The following PAG1 variants were observed in gnomAD, a reference collection of about 807,000 sequenced individuals.
PAG1 encodes the protein phosphoprotein associated with glycosphingolipid-enriched microdomains 1.
In PAG1, 23 loss-of-function variants were observed where a neutral mutation model predicts 31.7. That is an observed-to-expected ratio of 0.73 (90% CI 0.52 to 1.03). PAG1 has a LOEUF of 1.03. Ranked by LOEUF, PAG1 falls within the 50% of genes least tolerant of loss-of-function variation. The probability of loss-of-function intolerance (pLI) is 0.00; values close to 1 mark genes in which losing one functional copy is unlikely to be tolerated. For synonymous variants in PAG1, 214 were observed against 210.3 expected, an observed-to-expected ratio of 1.02 and a Z score of -0.15; for missense variants, 473 against 540.7, an observed-to-expected ratio of 0.87 and a Z score of 1.24.
At chr8:81,094,051 C>A (rs572693538) in intron 1 of PAG1, among the ~76,000 whole-genome samples, 1 of 152,250 alleles carries the variant, frequency 6.6e-6, no homozygotes, top group South Asian at 2.1e-4. Flanking sequence ...GAGGATGCTG[C>A]GGTAGGGCTC....
intron 3 of PAG1, among the ~76,000 whole-genome samples, chr8:81,020,949 A>G (rs987668366): frequency 6.6e-6 from 1 of 152,222 alleles, no homozygotes; most frequent in East Asian, 1.9e-4. Flanking sequence ...GACTTCACAG[A>G]TACGAAAAAT....
intron 2 of PAG1, among the ~76,000 whole-genome samples, chr8:81,068,296 C>CAATTTAAAATTTTG (rs1809040441): frequency 6.6e-6 from 1 of 152,170 alleles, no homozygotes; most frequent in South Asian, 2.1e-4. Flanking sequence ...TGGGTTGGGA[C>CAATTTAAAATTTTG]AATTTAAAAT....
chr8:80,976,606 T>A lies in PAG1; in HGVS notation c.1237A>T (p.Lys413Ter). ...GTNGHHGLVP[K>*]ENDYESISDL... ...CTTATGCTCTCGTAGTCGTTCTCCT[T>A]TGGGACGAGACCGTGGTGGCCATTG... The change falls in exon 9 of 9, where the codon AAG (lysine) becomes TAG (stop). Residue 413 changes from lysine (K) to a stop codon, truncating the protein, a stop_gained. Transcript: ENST00000220597. LOFTEE classifies it high-confidence loss of function. The A allele has an allele frequency of 6.2e-7, 1 of 1,614,146 alleles. No homozygotes were observed. Among genetic ancestry groups the A allele is most frequent in the Non-Finnish European group, 8.5e-7 (1 of 1,179,984 alleles).
intron 1 of PAG1, among the ~76,000 whole-genome samples, chr8:81,097,923 T>C (rs551509812): frequency 9.7e-4 from 148 of 152,334 alleles, no homozygotes; most frequent in Non-Finnish European, 1.5e-3. Context: ...TTTTATCTGA[T>C]GCTGGTGCAA....
At chr8:81,108,736 T>C (rs1020401068) in intron 1 of PAG1, among the ~76,000 whole-genome samples, 2 of 152,190 alleles carry the variant, frequency 1.3e-5, no homozygotes, top group Non-Finnish European at 2.9e-5. Flanking sequence ...TAACAAGCTA[T>C]GGAAACCTTA....
rs538607297 is a variant in PAG1, at chr8:81,044,944, T to TCA, written c.-174-14856_-174-14855insTG. Among the ~76,000 whole-genome samples the TCA allele has an allele frequency of 6.0e-4, 92 of 152,258 alleles. 1 individual carries two copies. Among genetic ancestry groups the TCA allele is most frequent in the African/African-American group, 2.2e-3 (91 of 41,540 alleles). On this transcript the variant is annotated intron_variant, in intron 2 of 8. Coordinates refer to ENST00000220597, the MANE Select transcript of PAG1 (RefSeq NM_018440.4). ...CAGTCTCCCCGGGCATAACTGGCTGTCCTTGTAAGTGCCCCCTATGCTGCA... is the reference window on the plus strand; with the variant it reads ...CAGTCTCCCCGGGCATAACTGGCTGTCACCTTGTAAGTGCCCCCTATGCTGCA...
rs1807112282 is a variant in PAG1 at position 80,973,138 on chromosome 8, T to C, written c.*3406A>G. Reference sequence around the variant, plus strand: ...GGGCAGATAAATCAGTAATTAGCCTTTATCCCAGAAAGAATAGTGGTAGCT... The same window carrying C: ...GGGCAGATAAATCAGTAATTAGCCTCTATCCCAGAAAGAATAGTGGTAGCT... On this transcript the variant is annotated 3_prime_UTR_variant, in exon 9 of 9. Coordinates refer to ENST00000220597, the MANE Select transcript of PAG1 (RefSeq NM_018440.4). 1 of 152,148 alleles carries C rather than the reference T, an allele frequency of 6.6e-6. No homozygotes were observed. The highest frequency in any genetic ancestry group is 6.5e-5 in the Admixed American group (1 of 15,282). 9.4% of individuals were successfully genotyped at this position (152,148 alleles called of 1,614,324 possible). A position where few individuals can be genotyped will look rare whatever the true frequency, so the allele number is the denominator to read the frequency against.
intron 1 of PAG1, among the ~76,000 whole-genome samples, chr8:81,073,415 C>G (rs1586203140): frequency 6.6e-6 from 1 of 152,278 alleles, no homozygotes; most frequent in East Asian, 1.9e-4. Context: ...GGTCCTTTCC[C>G]CTCCTGATCC....
chr8:80,982,725 C>A (rs538495364), intron 7 of PAG1, among the ~76,000 whole-genome samples: 1 of 152,284 alleles, frequency 6.6e-6, no homozygotes, highest in Non-Finnish European at 1.5e-5. Context: ...TGCCTGTATC[C>A]TCTTCATTTC....
chr8:81,083,243 G>A (rs1809297818), intron 1 of PAG1, among the ~76,000 whole-genome samples: 1 of 152,106 alleles, frequency 6.6e-6, no homozygotes, highest in Non-Finnish European at 1.5e-5. Context: ...CTGGCTGGGA[G>A]AAACAGTGTT....
intron 2 of PAG1, among the ~76,000 whole-genome samples, chr8:81,053,513 A>C (rs1415593725): frequency 6.6e-6 from 1 of 152,254 alleles, no homozygotes; most frequent in African/African-American, 2.4e-5. Context: ...TGTCAAAGGA[A>C]TTTCTGGTCT....
chr8:81,074,035 G>A (rs1809136032), intron 1 of PAG1, among the ~76,000 whole-genome samples: 1 of 152,200 alleles, frequency 6.6e-6, no homozygotes, highest in Non-Finnish European at 1.5e-5. Context: ...GGCCAGGTGT[G>A]GGCACACGTG....
intron 2 of PAG1, among the ~76,000 whole-genome samples, chr8:81,050,503 A>G (rs1285091114): frequency 2.0e-5 from 3 of 152,186 alleles, no homozygotes; most frequent in Non-Finnish European, 4.4e-5. Flanking sequence ...CAATTTTAGT[A>G]TAAAGTTACC....
chr8:81,084,242 G>C (rs1230925477), intron 1 of PAG1, among the ~76,000 whole-genome samples: 1 of 152,122 alleles, frequency 6.6e-6, no homozygotes, highest in Non-Finnish European at 1.5e-5. Context: ...ACAGGGAAAA[G>C]TATGTCTACT....
intron 5 of PAG1, among the ~76,000 whole-genome samples, chr8:80,989,485 G>A (rs935620977): frequency 2.6e-5 from 4 of 152,204 alleles, no homozygotes; most frequent in South Asian, 2.1e-4. Flanking sequence ...GTGGGCGAGC[G>A]TGTGTACATG....
Position 80,974,215 on chromosome 8 carries a change from T to C in PAG1, c.*2329A>G, listed in dbSNP as rs950618375. 5 of 148,950 alleles carry C rather than the reference T, an allele frequency of 3.4e-5. No homozygotes were observed. Among genetic ancestry groups the C allele is most frequent in the South Asian group, 2.1e-4 (1 of 4,690 alleles). The allele number at this position is 148,950 out of a possible 1,614,324, so 9.2% of individuals were successfully genotyped here. A position where few individuals can be genotyped will look rare whatever the true frequency, so the allele number is the denominator to read the frequency against. On this transcript the variant is annotated 3_prime_UTR_variant, in exon 9 of 9. Coordinates refer to ENST00000220597, the MANE Select transcript of PAG1 (RefSeq NM_018440.4). The stretch of plus-strand genomic sequence containing the variant: ...CCTACTTTCCTGCCTTTTTGATAAG[T>C]AAGGCATGAAATGAAACAAAAGTTT...
chr8:81,063,551 T>A (rs948426191), intron 2 of PAG1, among the ~76,000 whole-genome samples: 8 of 152,100 alleles, frequency 5.3e-5, no homozygotes, highest in Non-Finnish European at 8.8e-5. Context: ...TTTTTTTAAG[T>A]ACTAGAACCT....
intron 1 of PAG1, among the ~76,000 whole-genome samples, chr8:81,075,048 C>T (rs181904120): frequency 2.0e-5 from 3 of 152,332 alleles, no homozygotes; most frequent in Admixed American, 6.5e-5. Context: ...AGGCAAAGAG[C>T]ATCTCCTTAC....
intron 1 of PAG1, among the ~76,000 whole-genome samples, chr8:81,078,098 G>A (rs1025344138): frequency 5.3e-5 from 8 of 152,238 alleles, no homozygotes; most frequent in African/African-American, 1.7e-4. Context: ...CACAGAAGGT[G>A]TCTGCTACTT....
Sources: gnomAD v4.1 joint callset for allele counts (sites outside exome capture counted in the v4.1 genomes callset) on GRCh38, gnomAD v4.1.1 for gene constraint, MANE v1.5 for transcripts, NCBI Gene and HGNC (gene_info 2026-07-23, HGNC 2026-07-21) for gene names.